The following ESRRG variants were observed in gnomAD, a reference collection of about 807,000 sequenced individuals.
ESRRG encodes the protein estrogen-related receptor gamma.
In ESRRG, 13 loss-of-function variants were observed where a neutral mutation model predicts 44.0. The ratio of observed to expected loss-of-function variants is 0.30; its 90% CI spans 0.19 to 0.47. The LOEUF (loss-of-function observed/expected upper bound fraction) is 0.47, where lower values mean the gene tolerates loss of function less well. Among genes scored for constraint, ESRRG ranks in the 20% least tolerant of loss-of-function variants. ESRRG has a pLI of 1.00. For missense variants in ESRRG, 395 were observed against 580.6 expected (o/e 0.68, Z 3.29); for synonymous variants, 215 against 214.6 (o/e 1.00, Z -0.02).
chr1:216,969,235 T>G (rs947923241), intron 1 of ESRRG, among the ~76,000 whole-genome samples: 4 of 152,142 alleles, frequency 2.6e-5, no homozygotes, highest in African/African-American at 9.7e-5. Context: ...CACCTTCCAG[T>G]GAGGAGAATA....
At chr1:216,664,655 C>A (rs2073415566) in intron 2 of ESRRG, among the ~76,000 whole-genome samples, 1 of 144,240 alleles carries the variant, frequency 6.9e-6, no homozygotes, top group Admixed American at 7.1e-5. Flanking sequence ...AATATTTAAA[C>A]ATTCACCTCC....
rs1205800522 is a variant in ESRRG at position 216,723,381 on chromosome 1, G to T, written c.-82C>A. 2 of 1,329,606 alleles carry T rather than the reference G, an allele frequency of 1.5e-6. No homozygotes were observed. Among genetic ancestry groups the T allele is most frequent in the African/African-American group, 1.4e-5 (1 of 69,292 alleles). The allele number at this position is 1,329,606 out of a possible 1,614,324, so 82.4% of individuals were successfully genotyped here. A position where few individuals can be genotyped will look rare whatever the true frequency, so the allele number is the denominator to read the frequency against. ...AGAGCACAGTGCAATTAACACAAAT[G>T]TTCTCCTAGTGACAAGCCTATAGGC... is the stretch of plus-strand genomic sequence containing the variant. On this transcript the variant is annotated 5_prime_UTR_variant, in exon 1 of 7. Transcript: ENST00000408911.
At chr1:216,672,132 G>C (rs2075312465) in intron 2 of ESRRG, among the ~76,000 whole-genome samples, 1 of 152,048 alleles carries the variant, frequency 6.6e-6, no homozygotes, top group Admixed American at 6.6e-5. Flanking sequence ...AAAATCAGAA[G>C]AATAACAATA....
chr1:217,031,387 G>A (rs2082040010), intron 1 of ESRRG, among the ~76,000 whole-genome samples: 1 of 152,158 alleles, frequency 6.6e-6, no homozygotes, highest in African/African-American at 2.4e-5. Flanking sequence ...AATAAGAGGA[G>A]AATCGCAGAA....
At chr1:216,749,813 C>T (rs2091829361) in intron 2 of ESRRG, among the ~76,000 whole-genome samples, 1 of 151,994 alleles carries the variant, frequency 6.6e-6, no homozygotes, top group Non-Finnish European at 1.5e-5. Flanking sequence ...TAGTCAAATG[C>T]TAATTGGCAA....
chr1:216,720,212 C>T (rs1054903595), intron 1 of ESRRG, among the ~76,000 whole-genome samples: 7 of 151,862 alleles, frequency 4.6e-5, no homozygotes, highest in South Asian at 2.1e-4. Flanking sequence ...AGAATTAATC[C>T]GCTCACTTTA....
chr1:216,631,188 A>C lies in ESRRG; in HGVS notation c.589+19785T>G, dbSNP rs138436926. Among the ~76,000 whole-genome samples the C allele has an allele frequency of 1.1e-3, 161 of 152,278 alleles. 1 individual carries two copies. The highest frequency in any genetic ancestry group is 3.7e-3 in the African/African-American group (153 of 41,544). ...TCACCTGATAAACTTTCAAGGATGG[A>C]ACTCAGATTCTGTATGCATCACTCA... On this transcript the variant is annotated intron_variant, in intron 3 of 6. Coordinates refer to ENST00000408911, the MANE Select transcript of ESRRG (RefSeq NM_001438.4).
intron 1 of ESRRG, among the ~76,000 whole-genome samples, chr1:217,126,401 G>A (rs1043919606): frequency 6.6e-6 from 1 of 152,046 alleles, no homozygotes; most frequent in African/African-American, 2.4e-5. Context: ...GTGCAGAAAG[G>A]TTTTCTGCTG....
At chr1:216,548,029 T>C (rs994888134) in intron 5 of ESRRG, among the ~76,000 whole-genome samples, 1 of 152,032 alleles carries the variant, frequency 6.6e-6, no homozygotes, top group African/African-American at 2.4e-5. Context: ...GTGGGTTGGC[T>C]AGCAAAACAA....
chr1:216,592,047 G>A (rs1274059001), intron 3 of ESRRG, among the ~76,000 whole-genome samples: 2 of 152,172 alleles, frequency 1.3e-5, no homozygotes, highest in African/African-American at 4.8e-5. Flanking sequence ...ATAATGCGAT[G>A]AGATCACTGC....
At chr1:216,835,975 C>T (rs983027284) in intron 2 of ESRRG, among the ~76,000 whole-genome samples, 4 of 151,164 alleles carry the variant, frequency 2.6e-5, no homozygotes, top group African/African-American at 9.7e-5. Context: ...TATCAAAAAG[C>T]AGAGTTTAAG....
At chr1:216,655,689 C>G (rs2070319001) in intron 2 of ESRRG, among the ~76,000 whole-genome samples, 1 of 152,090 alleles carries the variant, frequency 6.6e-6, no homozygotes, top group Non-Finnish European at 1.5e-5. Flanking sequence ...GGATAATAAC[C>G]TTGATTTCAC....
chr1:216,664,630 A>T (rs549286089), intron 2 of ESRRG, among the ~76,000 whole-genome samples: 14 of 150,674 alleles, frequency 9.3e-5, no homozygotes, highest in East Asian at 3.9e-4. Flanking sequence ...TGGCATATCT[A>T]TAAAATCTCT....
At chr1:216,892,767 A>C (rs965632111) in intron 2 of ESRRG, among the ~76,000 whole-genome samples, 1 of 152,166 alleles carries the variant, frequency 6.6e-6, no homozygotes, top group South Asian at 2.1e-4. Flanking sequence ...GCACTCAGCT[A>C]TTACAGCAAT....
At chr1:216,732,005 T>C (rs1348477096) in intron 2 of ESRRG, among the ~76,000 whole-genome samples, 1 of 151,646 alleles carries the variant, frequency 6.6e-6, no homozygotes, top group Admixed American at 6.6e-5. Context: ...AACAAAGAAA[T>C]TTTTTTTTAA....
At chr1:217,053,110 G>C (rs1385745949) in intron 1 of ESRRG, among the ~76,000 whole-genome samples, 1 of 138,614 alleles carries the variant, frequency 7.2e-6, no homozygotes, top group Non-Finnish European at 1.5e-5. Context: ...TACCAGCTGA[G>C]GTAACATAGC....
chr1:216,539,450 TC>T (rs1005594094), intron 5 of ESRRG, among the ~76,000 whole-genome samples: 9 of 151,912 alleles, frequency 5.9e-5, no homozygotes, highest in Admixed American at 6.6e-5. Context: ...CAGTTCCCCT[TC>T]CCCCCTACCT....
intron 1 of ESRRG, among the ~76,000 whole-genome samples, chr1:216,972,282 T>C (rs945867994): frequency 6.6e-6 from 1 of 152,174 alleles, no homozygotes; most frequent in Non-Finnish European, 1.5e-5. Flanking sequence ...GAGTTATAGT[T>C]GTTGGCTTGG....
chr1:216,919,974 C>A (rs967868780), intron 2 of ESRRG, among the ~76,000 whole-genome samples: 3 of 152,220 alleles, frequency 2.0e-5, no homozygotes, highest in Non-Finnish European at 1.5e-5. Context: ...GTGGCAGATG[C>A]CAGGCGAAGC....
Sources: gnomAD v4.1 joint callset for allele counts (sites outside exome capture counted in the v4.1 genomes callset) on GRCh38, gnomAD v4.1.1 for gene constraint, MANE v1.5 for transcripts, NCBI Gene and HGNC (gene_info 2026-07-23, HGNC 2026-07-21) for gene names.